Variants in FRMPD4 observed in about 807,000 individuals in gnomAD.
FRMPD4 encodes FERM and PDZ domain-containing protein 4.
In FRMPD4, 22 loss-of-function variants were observed where a neutral mutation model predicts 94.1. That is an observed-to-expected ratio of 0.23 (90% CI 0.17 to 0.33). The LOEUF (loss-of-function observed/expected upper bound fraction) is 0.33. Ranked by LOEUF, FRMPD4 falls within the 10% of genes least tolerant of loss-of-function variation. The pLI is 1.00. For synonymous variants in FRMPD4, 631 were observed against 548.6 expected, an observed-to-expected ratio of 1.15 and a Z score of -2.10; for missense variants, 1,111 against 1,339.9, an observed-to-expected ratio of 0.83 and a Z score of 2.67.
At chrX:12,099,191 G>A (rs1035150400) in intron 3 of FRMPD4, among the ~76,000 whole-genome samples, 1 of 109,396 alleles carries the variant, frequency 9.1e-6, no homozygotes, top group Non-Finnish European at 1.9e-5. Context: ...TGCACATTGT[G>A]CACATGTACC....
At chrX:12,511,652 C>T (rs761547953) in intron 2 of FRMPD4, among the ~76,000 whole-genome samples, 2 of 111,202 alleles carry the variant, frequency 1.8e-5, no homozygotes, top group African/African-American at 6.5e-5. Context: ...AAGAGACTTA[C>T]GGACACTGAC....
chrX:12,661,430 T>C (rs2059712665), intron 4 of FRMPD4, among the ~76,000 whole-genome samples: 1 of 111,938 alleles, frequency 8.9e-6, no homozygotes, highest in Non-Finnish European at 1.9e-5. Flanking sequence ...ACAATATCTA[T>C]AGAATTGGTA....
intron 3 of FRMPD4, among the ~76,000 whole-genome samples, chrX:12,125,409 A>G (rs182654123): frequency 8.9e-6 from 1 of 112,219 alleles, no homozygotes; most frequent in East Asian, 2.8e-4. Context: ...GTTCTCAAAT[A>G]TACAAGAAAC....
intron 2 of FRMPD4, among the ~76,000 whole-genome samples, chrX:12,579,712 C>T (rs1002884330): frequency 8.9e-6 from 1 of 111,849 alleles, no homozygotes; most frequent in Admixed American, 9.5e-5. Context: ...GAGTTAGTAC[C>T]TTTTCTGAAT....
chrX:11,887,374 A>T (rs1465076), intron 3 of FRMPD4, among the ~76,000 whole-genome samples: 1 of 109,987 alleles, frequency 9.1e-6, no homozygotes, highest in African/African-American at 3.3e-5. Flanking sequence ...CAGGCACCAC[A>T]CCCTGTTCCC....
intron 1 of FRMPD4, among the ~76,000 whole-genome samples, chrX:12,293,686 T>C (rs1200128228): frequency 8.9e-6 from 1 of 112,679 alleles, no homozygotes; most frequent in Non-Finnish European, 1.9e-5. Flanking sequence ...TTAAATTTTA[T>C]GTACCATTTT....
intron 1 of FRMPD4, among the ~76,000 whole-genome samples, chrX:12,379,596 ATATGT>A (rs1299564944): frequency 9.1e-6 from 1 of 109,923 alleles, no homozygotes; most frequent in Non-Finnish European, 1.9e-5. Context: ...ATAATTTGTA[ATATGT>A]TATAAATTTA....
intron 3 of FRMPD4, among the ~76,000 whole-genome samples, chrX:11,893,875 C>T (rs1013994753): frequency 3.6e-5 from 4 of 111,916 alleles, no homozygotes; most frequent in Non-Finnish European, 7.5e-5. Context: ...TTTTGTAGCA[C>T]ACACATCTTG....
intron 1 of FRMPD4, among the ~76,000 whole-genome samples, chrX:12,290,367 T>C (rs113387002): frequency 8.0e-5 from 9 of 112,546 alleles, no homozygotes; most frequent in African/African-American, 2.9e-4. Context: ...ATTCCTGGCT[T>C]TGATACTTCA....
intron 1 of FRMPD4, among the ~76,000 whole-genome samples, chrX:12,246,627 A>G (rs1209428239): frequency 1.8e-5 from 2 of 109,634 alleles, no homozygotes; most frequent in Non-Finnish European, 3.8e-5. Context: ...TAGGAAAAAT[A>G]CATATTTTTT....
intron 2 of FRMPD4, among the ~76,000 whole-genome samples, chrX:12,600,873 G>A (rs1287483519): frequency 8.9e-6 from 1 of 111,759 alleles, no homozygotes; most frequent in East Asian, 2.8e-4. Flanking sequence ...GACAACCATA[G>A]CATTTTTCTT....
At chrX:11,958,214 C>G (rs1008165474) in intron 3 of FRMPD4, among the ~76,000 whole-genome samples, 1 of 111,790 alleles carries the variant, frequency 8.9e-6, no homozygotes, top group African/African-American at 3.2e-5. Flanking sequence ...TGGATATACT[C>G]TGGATAAGAG....
chrX:12,064,075 A>G, intron 3 of FRMPD4, among the ~76,000 whole-genome samples: 1 of 112,101 alleles, frequency 8.9e-6, no homozygotes, highest in Non-Finnish European at 1.9e-5. Context: ...GTTCAAAAGC[A>G]ATTGACACAT....
chrX:12,461,913 T>C (rs933573226), intron 1 of FRMPD4, among the ~76,000 whole-genome samples: 2 of 111,831 alleles, frequency 1.8e-5, no homozygotes, highest in Non-Finnish European at 3.8e-5. Context: ...AATACCATGG[T>C]AAATAAACAA....
At chrX:11,835,945 AG>A (rs1211248566) in intron 1 of FRMPD4, among the ~76,000 whole-genome samples, 2 of 112,137 alleles carry the variant, frequency 1.8e-5, no homozygotes, top group South Asian at 3.7e-4. Context: ...TTACTATTAT[AG>A]TAGATGTGGC....
chrX:12,391,686 T>A (rs1247612518), intron 1 of FRMPD4, among the ~76,000 whole-genome samples: 1 of 111,503 alleles, frequency 9.0e-6, no homozygotes, highest in Non-Finnish European at 1.9e-5. Flanking sequence ...CTGATGTCAC[T>A]TTGCCATGTA....
chrX:11,895,598 G>A (rs1195513661), intron 3 of FRMPD4, among the ~76,000 whole-genome samples: 1 of 111,988 alleles, frequency 8.9e-6, no homozygotes, highest in African/African-American at 3.2e-5. Flanking sequence ...AGTTAAATGA[G>A]ATGGAAATGG....
intron 1 of FRMPD4, among the ~76,000 whole-genome samples, chrX:12,247,136 C>A (rs190609470): frequency 1.7e-3 from 186 of 111,627 alleles, no homozygotes; most frequent in Admixed American, 3.5e-3. Flanking sequence ...CTGAAGAATT[C>A]TTTGTTGTGC....
At chrX:11,905,334 T>A (rs1382057364) in intron 3 of FRMPD4, among the ~76,000 whole-genome samples, 1 of 111,809 alleles carries the variant, frequency 8.9e-6, no homozygotes, top group Admixed American at 9.5e-5. Context: ...TAAGACAAAA[T>A]GCTGAGGATG....
Sources: gnomAD v4.1 joint callset for allele counts (sites outside exome capture counted in the v4.1 genomes callset) on GRCh38, gnomAD v4.1.1 for gene constraint, MANE v1.5 for transcripts, NCBI Gene and HGNC (gene_info 2026-07-23, HGNC 2026-07-21) for gene names.